The following KIF1C variants were observed in gnomAD, a reference collection of about 807,000 sequenced individuals.
KIF1C encodes the protein kinesin family member 1C, also known as kinesin-like protein KIF1C.
Under a neutral mutation model 126.5 loss-of-function variants are expected in KIF1C, and 61 were observed. That is an observed-to-expected ratio of 0.48 (90% CI 0.39 to 0.60). The LOEUF (loss-of-function observed/expected upper bound fraction) is 0.60, where lower values mean the gene tolerates loss of function less well. Among genes scored for constraint, KIF1C ranks in the 20% least tolerant of loss-of-function variants. The probability of loss-of-function intolerance (pLI) is 0.00; values close to 1 mark genes in which losing one functional copy is unlikely to be tolerated. For missense variants in KIF1C, 1,315 were observed against 1,489.2 expected (o/e 0.88, Z 1.93); for synonymous variants, 640 against 580.6 (o/e 1.10, Z -1.47).
At chr17:5,016,339 C>G (rs188229376) in intron 18 of KIF1C, among the ~76,000 whole-genome samples, 97 of 151,896 alleles carry the variant, frequency 6.4e-4, no homozygotes, top group African/African-American at 2.2e-3. Context: ...GTTTCTCCAA[C>G]TCCCAACCTC....
At chr17:5,005,908 G>A (rs932400579) in intron 13 of KIF1C, among the ~76,000 whole-genome samples, 4 of 151,324 alleles carry the variant, frequency 2.6e-5, no homozygotes, top group Non-Finnish European at 5.9e-5. Context: ...TGTATTTTTA[G>A]TAGAGACGGG....
In KIF1C at chr17:5,004,865, C is replaced by G. The variant is rs370727070; in HGVS notation, c.1030C>G (p.Arg344Gly). The change falls in exon 13 of 23, where the codon CGC (arginine) becomes GGC (glycine). Residue 344 changes from arginine (R) to glycine (G), a missense_variant. Arg to Gly is a moderately radical substitution (Grantham distance 125). Transcript: ENST00000320785. ...TCCTCTGTCACCCAGGTATGCTGAC[C>G]GCACCAAGCAAATCCGCTGCAATGC... ...ETLSTLRYAD[R>G]TKQIRCNAII... 6.2e-7 allele frequency: 1 copy of G among 1,614,202 alleles called. No individual in the cohort carries two copies. Among genetic ancestry groups the G allele is most frequent in the African/African-American group, 1.3e-5 (1 of 75,058 alleles).
In KIF1C at chr17:4,999,221, C is replaced by T. The variant is rs3809847; in HGVS notation, c.-148-629C>T. Among the ~76,000 whole-genome samples the T allele has an allele frequency of 3.0e-4, 46 of 152,324 alleles. 1 individual carries two copies. The East Asian group carries it at 8.3e-3, about 27-fold the overall frequency. On this transcript the variant is annotated intron_variant, in intron 1 of 22. Coordinates refer to ENST00000320785, the MANE Select transcript of KIF1C (RefSeq NM_006612.6). Reference sequence around the variant, plus strand: ...GGATCCCAGTCCTGGGCCCTACCTACAGTCCTTGGACTTTGCCCATCTGCA... The same window carrying T: ...GGATCCCAGTCCTGGGCCCTACCTATAGTCCTTGGACTTTGCCCATCTGCA...
Position 5,020,440 on chromosome 17 carries a change from G to T in KIF1C, c.1751-52G>T. 6.5e-7 allele frequency: 1 copy of T among 1,531,352 alleles called. No individual in the cohort carries two copies. The highest frequency in any genetic ancestry group is 8.9e-7 in the Non-Finnish European group (1 of 1,125,766). 94.9% of individuals were successfully genotyped at this position (1,531,352 alleles called of 1,614,324 possible). A position where few individuals can be genotyped will look rare whatever the true frequency, so the allele number is the denominator to read the frequency against. On this transcript the variant is annotated intron_variant, in intron 19 of 22. Transcript: ENST00000320785. This position sits in a 1 kb window ranked among gnomAD's most constrained non-coding sequence, Gnocchi z 5.8. ...TTCTCTATGCCTTGGGTGTAGGGAT[G>T]GATTTGGTGCTGATGGGAAGCGAGT...
At position 5,007,479 on chromosome 17, in the gene KIF1C, G is replaced by T. The variant is rs1271835585; in HGVS notation, c.1428G>T (p.Leu476=). 1 of 1,587,370 alleles carries T rather than the reference G, an allele frequency of 6.3e-7. No individual in the cohort carries two copies. Among genetic ancestry groups the T allele is most frequent in the South Asian group, 1.1e-5 (1 of 87,668 alleles). The change falls in exon 16 of 23, where the codon CTG becomes CTT. Residue 476 remains leucine, a synonymous_variant. Coordinates refer to ENST00000320785, the MANE Select transcript of KIF1C (RefSeq NM_006612.6). ...CCTCTGCCCACAGAGAAGCATTGCT[G>T]GCTGAGATGGGGGTGGCCGTCCGGG... ...EALRMEREAL[L]AEMGVAVRED... is the part of the protein sequence containing the mutation.
chr17:5,002,661 G>A lies in KIF1C; in HGVS notation c.608+19G>A. 2 of 1,611,782 alleles carry A rather than the reference G, an allele frequency of 1.2e-6. No individual in the cohort carries two copies. Among genetic ancestry groups the A allele is most frequent in the East Asian group, 2.2e-5 (1 of 44,798 alleles). On this transcript the variant is annotated intron_variant, in intron 7 of 22. Coordinates refer to ENST00000320785, the MANE Select transcript of KIF1C (RefSeq NM_006612.6). ...AAGCACGGTGAGGCAGGCTGATGGAGCAGAGGGCAAGGGGGCCAGGGTTGG... is the reference window on the plus strand; with the variant it reads ...AAGCACGGTGAGGCAGGCTGATGGAACAGAGGGCAAGGGGGCCAGGGTTGG...
chr17:5,000,899 A>AATC, intron 4 of KIF1C, 51 bp downstream of exon 4: 1 of 1,548,282 alleles, frequency 6.5e-7, no homozygotes. Flanking sequence ...CAGAGGATTT[A>AATC]GGTCCTGGGG....
chr17:5,022,744 C>T lies in KIF1C; in HGVS notation c.2628+35C>T. On this transcript the variant is annotated intron_variant, in intron 22 of 22. Coordinates refer to ENST00000320785, the MANE Select transcript of KIF1C (RefSeq NM_006612.6). The surrounding 1 kb of genome is among the most constrained non-coding windows in gnomAD (Gnocchi z 4.9). ...GCCTTCTGCCTCCCTTCTCTCCTCCCTCGGCTCTTCACTTTAGGAGTCTGA... is the reference window on the plus strand; with the variant it reads ...GCCTTCTGCCTCCCTTCTCTCCTCCTTCGGCTCTTCACTTTAGGAGTCTGA... 1 of 1,483,636 alleles carries T rather than the reference C, an allele frequency of 6.7e-7. No individual in the cohort carries two copies. The highest frequency in any genetic ancestry group is 1.4e-5 in the African/African-American group (1 of 71,382). 91.9% of individuals were successfully genotyped at this position (1,483,636 alleles called of 1,614,324 possible).
chr17:5,003,291 G>C (rs892217141), intron 8 of KIF1C, among the ~76,000 whole-genome samples: 1 of 151,970 alleles, frequency 6.6e-6, no homozygotes, highest in Non-Finnish European at 1.5e-5. Context: ...AGGTGATCCA[G>C]CCGCCTCAGC....
At chr17:5,018,647 C>A (rs1975028525) in intron 18 of KIF1C, among the ~76,000 whole-genome samples, 1 of 151,406 alleles carries the variant, frequency 6.6e-6, no homozygotes, top group Non-Finnish European at 1.5e-5. Flanking sequence ...GAGATCGCAC[C>A]ATTGCACTCC....
rs1341023528 is a variant in KIF1C at position 5,004,954 on chromosome 17, G to T, written c.1119G>T (p.Leu373=). The T allele has an allele frequency of 1.2e-6, 2 of 1,614,136 alleles. No individual in the cohort carries two copies. Among genetic ancestry groups the T allele is most frequent in the African/African-American group, 1.3e-5 (1 of 74,946 alleles). The change falls in exon 13 of 23, where the codon CTG becomes CTT. Residue 373 remains leucine, a synonymous_variant. Coordinates refer to ENST00000320785, the MANE Select transcript of KIF1C (RefSeq NM_006612.6). ...AGCTGCAGGAGGAAGTAGCCCGGCT[G>T]CGGGAACTGCTGATGGCTCAGGGAC... ...IRELQEEVAR[L]RELLMAQGLS...
chr17:5,017,121 A>G (rs941384959), intron 18 of KIF1C, among the ~76,000 whole-genome samples: 1 of 152,008 alleles, frequency 6.6e-6, no homozygotes, highest in Non-Finnish European at 1.5e-5. Context: ...TATGAAAGCC[A>G]TACAGGCCAC....
rs1567727743 is a variant in KIF1C at position 5,020,606 on chromosome 17, T to G, written c.1865T>G (p.Val622Gly). 1 of 1,614,156 alleles carries G rather than the reference T, an allele frequency of 6.2e-7. No homozygotes were observed. The highest frequency in any genetic ancestry group is 8.5e-7 in the Non-Finnish European group (1 of 1,180,014). The change falls in exon 20 of 23, where the codon GTC (valine) becomes GGC (glycine). Residue 622 changes from valine (V) to glycine (G), a missense_variant. Val to Gly is a moderately radical substitution (Grantham distance 109). Coordinates refer to ENST00000320785, the MANE Select transcript of KIF1C (RefSeq NM_006612.6). The surrounding 1 kb of genome is among the most constrained non-coding windows in gnomAD (Gnocchi z 5.8). ...PPPPGPPSEPVDWNFAQKELL... is the reference protein window; with the variant it reads ...PPPPGPPSEPGDWNFAQKELL... ...CCCCCAGGACCGCCCTCTGAGCCAG[T>G]CGACTGGAACTTTGCCCAGAAGGAA...
In KIF1C at chr17:5,022,659, G is replaced by A. The variant is rs143671350; in HGVS notation, c.2578G>A (p.Ala860Thr). 9.9e-4 allele frequency: 1,590 copies of A among 1,598,050 alleles called. No homozygotes were observed. The highest frequency in any genetic ancestry group is 1.3e-3 in the Non-Finnish European group (1,509 of 1,171,630). Reference protein sequence around the residue: ...QNSSKDRELQALRDRMLRMER... With the variant: ...QNSSKDRELQTLRDRMLRMER... ...CAGCAGCAAGGACCGGGAGCTGCAGGCCCTGCGGGACCGCATGCTCCGCAT... is the reference window on the plus strand; with the variant it reads ...CAGCAGCAAGGACCGGGAGCTGCAGACCCTGCGGGACCGCATGCTCCGCAT... The change falls in exon 22 of 23, where the codon GCC (alanine) becomes ACC (threonine). Residue 860 changes from alanine to threonine, a missense_variant. Transcript: ENST00000320785. This position sits in a 1 kb window ranked among gnomAD's most constrained non-coding sequence, Gnocchi z 4.9.
chr17:5,018,584 G>C (rs1362288509), intron 18 of KIF1C, among the ~76,000 whole-genome samples: 1 of 151,912 alleles, frequency 6.6e-6, no homozygotes, highest in Non-Finnish European at 1.5e-5. Context: ...AGCTACTCAG[G>C]AGGCTGAGGC....
chr17:5,007,959 G>T (rs1974773650), intron 16 of KIF1C, among the ~76,000 whole-genome samples: 1 of 152,188 alleles, frequency 6.6e-6, no homozygotes, highest in Non-Finnish European at 1.5e-5. Context: ...GTGCAGCGAG[G>T]GGTTGGTTAT....
chr17:5,010,688 A>C (rs1974843742), intron 16 of KIF1C, among the ~76,000 whole-genome samples: 2 of 150,680 alleles, frequency 1.3e-5, no homozygotes, highest in Non-Finnish European at 3.0e-5. Flanking sequence ...CGGAGCTTGC[A>C]GTGAGCCGAG....
Position 5,022,361 on chromosome 17 carries a change from C to T in KIF1C, c.2280C>T (p.Ala760=), listed in dbSNP as rs1339848908. Residue 760 remains alanine (A), a synonymous_variant, in exon 22 of 23, where the codon GCC becomes GCT. Coordinates refer to ENST00000320785, the MANE Select transcript of KIF1C (RefSeq NM_006612.6). The surrounding 1 kb of genome is among the most constrained non-coding windows in gnomAD (Gnocchi z 4.9). ...QAVKEICYEV[A]LADFRHGRAE... ...TGAAGGAGATCTGCTACGAGGTGGC[C>T]CTGGCTGACTTCCGCCACGGGCGGG... is the stretch of plus-strand genomic sequence containing the variant. 1 of 1,589,178 alleles carries T rather than the reference C, an allele frequency of 6.3e-7. No homozygotes were observed. Among genetic ancestry groups the T allele is most frequent in the East Asian group, 2.3e-5 (1 of 43,680 alleles).
At chr17:5,021,258 C>T (rs1327102968) in intron 21 of KIF1C, among the ~76,000 whole-genome samples, 2 of 148,718 alleles carry the variant, frequency 1.3e-5, no homozygotes, top group Non-Finnish European at 3.0e-5. Flanking sequence ...CTGTAGCCTC[C>T]GCCTCCTGGG....
Sources: allele counts gnomAD v4.1 joint callset (sites outside exome capture counted in the v4.1 genomes callset), GRCh38; gene constraint gnomAD v4.1.1; non-coding constraint Gnocchi (gnomAD v3.1); transcripts MANE v1.5; gene names NCBI Gene and HGNC (gene_info 2026-07-23, HGNC 2026-07-21).